MOB1B: variants seen among roughly 807,000 people sequenced by gnomAD.
MOB1B encodes MOB1 Mps One Binder homolog B.
A neutral mutation model predicts 24.4 loss-of-function variants in MOB1B; 19 were observed. The ratio of observed to expected loss-of-function variants is 0.78; its 90% CI spans 0.54 to 1.14. The LOEUF (loss-of-function observed/expected upper bound fraction) is 1.14, where lower values mean the gene tolerates loss of function less well. Among genes scored for constraint, MOB1B ranks in the 50% most tolerant of loss-of-function variants. The pLI, the probability that MOB1B is intolerant of heterozygous loss-of-function variation, is 0.00. For missense variants in MOB1B, 243 were observed against 259.6 expected, an observed-to-expected ratio of 0.94 and a Z score of 0.44; for synonymous variants, 76 against 82.1, an observed-to-expected ratio of 0.93 and a Z score of 0.40.
chr4:70,947,447 TC>T (rs200713990), intron 1 of MOB1B, among the ~76,000 whole-genome samples: 3 of 151,208 alleles, frequency 2.0e-5, no homozygotes, highest in Non-Finnish European at 4.4e-5. Flanking sequence ...TAGGTTTTTT[TC>T]CCCCCCGCCA....
rs2148907861 is a variant in MOB1B, at chr4:70,986,109, T to G, written c.*4052T>G. 1 of 152,324 alleles carries G rather than the reference T, an allele frequency of 6.6e-6. No homozygotes were observed. The highest frequency in any genetic ancestry group is 2.1e-4 in the South Asian group (1 of 4,820). 9.4% of individuals were successfully genotyped at this position (152,324 alleles called of 1,614,324 possible). ...ATACTAATGGAAAAAAACCAAGTCC[T>G]TTCTCTAGAACTTGTTTTCTATTTT... On this transcript the variant is annotated 3_prime_UTR_variant, in exon 6 of 6. Coordinates refer to ENST00000309395, the MANE Select transcript of MOB1B (RefSeq NM_173468.4).
At chr4:70,957,755 T>TA (rs200838666) in intron 1 of MOB1B, among the ~76,000 whole-genome samples, 4 of 101,946 alleles carry the variant, frequency 3.9e-5, no homozygotes, top group African/African-American at 3.8e-4. Flanking sequence ...CCTGCCTTAT[T>TA]TTTTTTTTTT....
At chr4:70,922,425 C>G (rs1736473121) in intron 1 of MOB1B, among the ~76,000 whole-genome samples, 2 of 152,132 alleles carry the variant, frequency 1.3e-5, no homozygotes. Context: ...TTGGTTCGTT[C>G]CAGAAAGGCA....
chr4:70,927,080 G>A (rs1246940457), intron 1 of MOB1B, among the ~76,000 whole-genome samples: 1 of 151,818 alleles, frequency 6.6e-6, no homozygotes, highest in Non-Finnish European at 1.5e-5. Flanking sequence ...TTACATAGAT[G>A]TGCTCCTTAA....
At chr4:70,970,156 A>G in intron 3 of MOB1B, 132 bp downstream of exon 3, 1 of 577,358 alleles carries the variant, frequency 1.7e-6, no homozygotes, top group Non-Finnish European at 3.0e-6. Context: ...CTATTAATCT[A>G]GATTCCTTAG....
chr4:70,932,087 C>T (rs919177212), intron 1 of MOB1B, among the ~76,000 whole-genome samples: 1 of 152,132 alleles, frequency 6.6e-6, no homozygotes, highest in African/African-American at 2.4e-5. Flanking sequence ...AGATATAACT[C>T]AAGCCTGTAT....
intron 4 of MOB1B, 98 bp downstream of exon 4, chr4:70,975,384 C>T (rs931084697): frequency 2.0e-6 from 3 of 1,531,754 alleles, no homozygotes; most frequent in African/African-American, 1.4e-5. Flanking sequence ...TTGGAGAGTT[C>T]TTTATGGCTG....
At chr4:70,970,630 C>A (rs1738715658) in intron 3 of MOB1B, among the ~76,000 whole-genome samples, 1 of 152,106 alleles carries the variant, frequency 6.6e-6, no homozygotes, top group African/African-American at 2.4e-5. Context: ...ATTACTTCTA[C>A]TAATAATAGC....
At chr4:70,958,807 G>A in intron 1 of MOB1B, 67 bp from the exon 2 acceptor site, 2 of 1,369,956 alleles carry the variant, frequency 1.5e-6, no homozygotes, top group East Asian at 2.3e-5. Flanking sequence ...TCTAATGCTT[G>A]GTGAATGACT....
intron 1 of MOB1B, among the ~76,000 whole-genome samples, chr4:70,935,500 T>C (rs1229390202): frequency 6.6e-6 from 1 of 152,182 alleles, no homozygotes; most frequent in African/African-American, 2.4e-5. Context: ...TAAGCACACA[T>C]TGCCTGGAAC....
chr4:70,902,461 C>A lies in MOB1B; in HGVS notation c.-76C>A. On this transcript the variant is annotated 5_prime_UTR_variant, in exon 1 of 6. Coordinates refer to ENST00000309395, the MANE Select transcript of MOB1B (RefSeq NM_173468.4). Reference sequence around the variant, plus strand: ...CCTCCCTGTCTCCTGTTCCATTCGCCTTTCCTCTTCTTTCCTGGCCCACGC... The same window carrying A: ...CCTCCCTGTCTCCTGTTCCATTCGCATTTCCTCTTCTTTCCTGGCCCACGC... 6.7e-7 allele frequency: 1 copy of A among 1,498,064 alleles called. No individual in the cohort carries two copies. Among genetic ancestry groups the A allele is most frequent in the Non-Finnish European group, 9.1e-7 (1 of 1,099,074 alleles). The allele number at this position is 1,498,064 out of a possible 1,614,324, so 92.8% of individuals were successfully genotyped here.
intron 1 of MOB1B, chr4:70,958,671 C>T (rs1238087503): frequency 2.9e-6 from 2 of 685,982 alleles, no homozygotes; most frequent in Admixed American, 1.8e-5. Context: ...GTGTTAGTTA[C>T]AGCTTAAAAA....
Position 70,975,903 on chromosome 4 carries a change from T to G in MOB1B, c.409+617T>G, listed in dbSNP as rs573265510. 5 of 784,770 alleles carry G rather than the reference T, an allele frequency of 6.4e-6. No individual in the cohort carries two copies. In the East Asian group the frequency reaches 6.3e-4, roughly 99 times the overall value. The allele number at this position is 784,770 out of a possible 1,614,324, so 48.6% of individuals were successfully genotyped here. A position where few individuals can be genotyped will look rare whatever the true frequency, so the allele number is the denominator to read the frequency against. On this transcript the variant is annotated intron_variant, in intron 4 of 5. Transcript: ENST00000309395. The stretch of plus-strand genomic sequence containing the variant: ...TTATTTTATTTATTTTAATCTAAAT[T>G]TTTCATTTTTTGGGAGACAAGAGTA...
chr4:70,945,676 G>A (rs1737543646), intron 1 of MOB1B, among the ~76,000 whole-genome samples: 1 of 152,156 alleles, frequency 6.6e-6, no homozygotes, highest in African/African-American at 2.4e-5. Flanking sequence ...GATAGGTTCT[G>A]GAGATGCAGT....
intron 1 of MOB1B, among the ~76,000 whole-genome samples, chr4:70,930,822 T>C (rs1172624541): frequency 6.6e-6 from 1 of 152,196 alleles, no homozygotes; most frequent in Non-Finnish European, 1.5e-5. Flanking sequence ...TGTTATCCTC[T>C]CTTAGTTTAA....
At chr4:70,968,474 G>C (rs552844568) in intron 2 of MOB1B, among the ~76,000 whole-genome samples, 2 of 152,144 alleles carry the variant, frequency 1.3e-5, no homozygotes, top group South Asian at 2.1e-4. Context: ...ACCACACCCG[G>C]CTAATTTTGT....
chr4:70,972,659 A>T (rs944058543), intron 3 of MOB1B, among the ~76,000 whole-genome samples: 7 of 152,246 alleles, frequency 4.6e-5, no homozygotes. Flanking sequence ...GGCAAAATAG[A>T]GCTACAGAAT....
At chr4:70,906,247 G>A (rs554431087) in intron 1 of MOB1B, among the ~76,000 whole-genome samples, 86 of 152,214 alleles carry the variant, frequency 5.6e-4, no homozygotes, top group African/African-American at 2.0e-3. Flanking sequence ...GCGTGGTGGC[G>A]GATGCCTATA....
chr4:70,977,530 G>T lies in MOB1B; in HGVS notation c.410-1598G>T, dbSNP rs542019747. ...ATAAATTTTATTGTATATATTTAAG[G>T]TATACAATATGATGTTATGAGATTA... On this transcript the variant is annotated intron_variant, in intron 4 of 5. Coordinates refer to ENST00000309395, the MANE Select transcript of MOB1B (RefSeq NM_173468.4). 2.6e-5 allele frequency among the ~76,000 whole-genome samples: 4 copies of T among 151,988 alleles called. No individual in the cohort carries two copies. In the East Asian group the frequency reaches 5.8e-4, roughly 22 times the overall value.
Sources: gnomAD v4.1 joint callset for allele counts (sites outside exome capture counted in the v4.1 genomes callset) on GRCh38, gnomAD v4.1.1 for gene constraint, MANE v1.5 for transcripts, NCBI Gene and HGNC (gene_info 2026-07-23, HGNC 2026-07-21) for gene names.